TAFA4: variants seen among roughly 807,000 people sequenced by gnomAD.
The protein encoded by TAFA4 is TAFA chemokine like family member 4.
TAFA4 carries 20 observed loss-of-function variants against 21.1 expected under a neutral mutation model. That is an observed-to-expected ratio of 0.95 (90% CI 0.67 to 1.38). The LOEUF (loss-of-function observed/expected upper bound fraction) is 1.38. Ranked by LOEUF, TAFA4 falls within the 40% of genes most tolerant of loss-of-function variation. The pLI is 0.00. For synonymous variants in TAFA4, 71 were observed against 67.4 expected (o/e 1.05, Z -0.26); for missense variants, 211 against 180.9 (o/e 1.17, Z -0.95).
rs149621786 is a variant in TAFA4 at position 68,738,473 on chromosome 3, C to A, written c.411+602G>T. Among the ~76,000 whole-genome samples, 11 of 152,228 alleles carry A rather than the reference C, an allele frequency of 7.2e-5. No individual in the cohort carries two copies. The East Asian group carries it at 2.1e-3, about 29-fold the overall frequency. The stretch of plus-strand genomic sequence containing the variant: ...CTAGATTCATCTCCATATGAGATGG[C>A]AGATTGGACAAGAGGAGTAAGCACA... On this transcript the variant is annotated intron_variant, in intron 5 of 5. Coordinates refer to ENST00000295569, the MANE Select transcript of TAFA4 (RefSeq NM_182522.5).
chr3:68,806,936 C>T (rs1703714957), intron 3 of TAFA4, among the ~76,000 whole-genome samples: 1 of 152,154 alleles, frequency 6.6e-6, no homozygotes, highest in Non-Finnish European at 1.5e-5. Context: ...AGGCCTAAGG[C>T]ATTTACTGAG....
rs147850939 is a variant in TAFA4, at chr3:68,921,451, G to A, written c.-123+10789C>T. Among the ~76,000 whole-genome samples the A allele has an allele frequency of 1.8e-3, 275 of 152,180 alleles. 1 individual carries two copies. Among genetic ancestry groups the A allele is most frequent in the African/African-American group, 6.4e-3 (264 of 41,522 alleles). ...TGCAAACTTTTAATCTTTTTAGACA[G>A]TGCAAGACAAAGTGAAATCCACTGA... is the stretch of plus-strand genomic sequence containing the variant. On this transcript the variant is annotated intron_variant, in intron 1 of 5. Coordinates refer to ENST00000295569, the MANE Select transcript of TAFA4 (RefSeq NM_182522.5).
intron 4 of TAFA4, among the ~76,000 whole-genome samples, chr3:68,746,809 A>C (rs1168994306): frequency 6.6e-6 from 1 of 152,232 alleles, no homozygotes; most frequent in Non-Finnish European, 1.5e-5. Flanking sequence ...TACTAAATGC[A>C]GACCCACACA....
At chr3:68,931,939 G>A (rs1559567625) in intron 1 of TAFA4, among the ~76,000 whole-genome samples, 1 of 152,180 alleles carries the variant, frequency 6.6e-6, no homozygotes, top group Non-Finnish European at 1.5e-5. Flanking sequence ...CGCATCAGCA[G>A]AGCACCCCCG....
chr3:68,876,067 G>T (rs530133741), intron 3 of TAFA4, among the ~76,000 whole-genome samples: 1 of 152,146 alleles, frequency 6.6e-6, no homozygotes, highest in East Asian at 1.9e-4. Context: ...GCAACATTAA[G>T]ACCTAACTCA....
At chr3:68,863,380 A>G (rs923512) in intron 3 of TAFA4, among the ~76,000 whole-genome samples, 25,887 of 152,166 alleles carry the variant, frequency 0.17, 3,434 homozygotes, top group East Asian at 0.62. Flanking sequence ...TTTTAAGTCT[A>G]TTTGTATTTT....
At chr3:68,799,278 A>G (rs112582591) in intron 3 of TAFA4, among the ~76,000 whole-genome samples, 3,214 of 152,264 alleles carry the variant, frequency 0.021, 123 homozygotes, top group African/African-American at 0.074. Flanking sequence ...TCCAAGATCA[A>G]CGTGTCTGCA....
chr3:68,766,067 G>C (rs1160604805), intron 3 of TAFA4, among the ~76,000 whole-genome samples: 1 of 152,066 alleles, frequency 6.6e-6, no homozygotes, highest in Non-Finnish European at 1.5e-5. Context: ...GATAGAACTA[G>C]AGAATGGAGA....
chr3:68,814,191 C>A (rs528524919), intron 3 of TAFA4, among the ~76,000 whole-genome samples: 58 of 151,394 alleles, frequency 3.8e-4, no homozygotes, highest in Non-Finnish European at 7.4e-4. Flanking sequence ...CTATCTATGA[C>A]AAACCCACAG....
chr3:68,831,508 G>C (rs1704390733), intron 3 of TAFA4, among the ~76,000 whole-genome samples: 1 of 152,026 alleles, frequency 6.6e-6, no homozygotes, highest in South Asian at 2.1e-4. Context: ...TTGAATATTG[G>C]CCCCCACTCT....
chr3:68,743,622 A>C (rs968460474), intron 4 of TAFA4, among the ~76,000 whole-genome samples: 3 of 152,054 alleles, frequency 2.0e-5, no homozygotes, highest in African/African-American at 7.2e-5. Flanking sequence ...TGCAGCCTCA[A>C]ATATCATAAC....
At chr3:68,760,695 A>C (rs1702742867) in intron 3 of TAFA4, among the ~76,000 whole-genome samples, 1 of 152,252 alleles carries the variant, frequency 6.6e-6, no homozygotes. Context: ...AAATGAAAGC[A>C]GAAAATGAGG....
intron 3 of TAFA4, among the ~76,000 whole-genome samples, chr3:68,800,512 T>C (rs145888215): frequency 7.2e-5 from 11 of 152,278 alleles, no homozygotes; most frequent in African/African-American, 2.4e-4. Flanking sequence ...TCGAAACAGA[T>C]AGAACCATGG....
chr3:68,814,644 C>T (rs914584912), intron 3 of TAFA4, among the ~76,000 whole-genome samples: 3 of 152,150 alleles, frequency 2.0e-5, no homozygotes, highest in Non-Finnish European at 2.9e-5. Context: ...CTACAAACCA[C>T]TGCTCAATGA....
At chr3:68,883,687 G>A (rs932655755) in intron 2 of TAFA4, among the ~76,000 whole-genome samples, 6 of 152,242 alleles carry the variant, frequency 3.9e-5, no homozygotes, top group South Asian at 2.1e-4. Flanking sequence ...TATGTCAAAC[G>A]TTTACAATCC....
At chr3:68,817,455 C>G (rs1704007786) in intron 3 of TAFA4, among the ~76,000 whole-genome samples, 1 of 152,046 alleles carries the variant, frequency 6.6e-6, no homozygotes, top group Admixed American at 6.6e-5. Context: ...ATCTTTTGAC[C>G]TCCTCCCATA....
chr3:68,791,226 T>G (rs755120818), intron 3 of TAFA4, among the ~76,000 whole-genome samples: 3 of 152,236 alleles, frequency 2.0e-5, no homozygotes, highest in Non-Finnish European at 2.9e-5. Flanking sequence ...AAATGTGACC[T>G]TGTTTGGAAA....
chr3:68,901,638 G>A (rs1381014600), intron 1 of TAFA4, among the ~76,000 whole-genome samples: 1 of 152,182 alleles, frequency 6.6e-6, no homozygotes, highest in Non-Finnish European at 1.5e-5. Flanking sequence ...TGGTAATATT[G>A]TCATATTGGA....
At chr3:68,871,250 T>G (rs2089479648) in intron 3 of TAFA4, among the ~76,000 whole-genome samples, 1 of 152,090 alleles carries the variant, frequency 6.6e-6, no homozygotes, top group Non-Finnish European at 1.5e-5. Context: ...TAAAGACACA[T>G]GCACACGAAT....
Sources: gnomAD v4.1 joint callset for allele counts (sites outside exome capture counted in the v4.1 genomes callset) on GRCh38, gnomAD v4.1.1 for gene constraint, MANE v1.5 for transcripts, NCBI Gene and HGNC (gene_info 2026-07-23, HGNC 2026-07-21) for gene names.